Variants in CENPI observed in about 807,000 individuals in gnomAD.
CENPI encodes centromere protein I, also known as FSH primary response 1.
Under a neutral mutation model 60.4 loss-of-function variants are expected in CENPI, and 4 were observed. That is an observed-to-expected ratio of 0.07 (90% confidence interval 0.03 to 0.15). CENPI has a LOEUF of 0.15. CENPI is among the 10% of genes least tolerant of loss of function. The probability of loss-of-function intolerance (pLI) is 1.00; values close to 1 mark genes in which losing one functional copy is unlikely to be tolerated. For missense variants in CENPI, 444 were observed against 534.5 expected, an observed-to-expected ratio of 0.83 and a Z score of 1.67; for synonymous variants, 157 against 189.4, an observed-to-expected ratio of 0.83 and a Z score of 1.40.
intron 18 of CENPI, among the ~76,000 whole-genome samples, chrX:101,146,480 T>A: frequency 9.0e-6 from 1 of 110,532 alleles, no homozygotes. Flanking sequence ...GGCTACAGAA[T>A]AAAAAAAAAT....
chrX:101,139,009 G>A (rs1259112248), intron 15 of CENPI, among the ~76,000 whole-genome samples: 2 of 93,334 alleles, frequency 2.1e-5, no homozygotes, highest in Non-Finnish European at 4.2e-5. Context: ...GGCTTGTCTC[G>A]AACTCCTGAC....
intron 20 of CENPI, among the ~76,000 whole-genome samples, chrX:101,160,034 C>T (rs1002071281): frequency 1.8e-5 from 2 of 112,241 alleles, no homozygotes; most frequent in African/African-American, 6.5e-5. Flanking sequence ...GTATATTCAT[C>T]AATTTCAAAA....
chrX:101,129,327 G>A (rs2089770957), intron 12 of CENPI, among the ~76,000 whole-genome samples: 1 of 111,436 alleles, frequency 9.0e-6, no homozygotes, highest in Non-Finnish European at 1.9e-5. Flanking sequence ...TAAAGGAAAG[G>A]GCAGTGAGAA....
At chrX:101,101,004 G>A (rs1569496959) in intron 2 of CENPI, 54 bp from the exon 3 acceptor site, 1 of 865,482 alleles carries the variant, frequency 1.2e-6, no homozygotes, top group Non-Finnish European at 1.7e-6. Flanking sequence ...TCTCTGTGGA[G>A]AAAAAAGGAC....
intron 15 of CENPI, among the ~76,000 whole-genome samples, chrX:101,138,342 A>ATT (rs1244802720): frequency 1.0e-5 from 1 of 96,646 alleles, no homozygotes; most frequent in African/African-American, 3.8e-5. Flanking sequence ...GGAATTAAAG[A>ATT]TTTTTTTTTT....
chrX:101,149,545 C>T (rs915784414), intron 20 of CENPI, among the ~76,000 whole-genome samples: 18 of 103,199 alleles, frequency 1.7e-4, no homozygotes, highest in South Asian at 1.4e-3. Flanking sequence ...CTCGCTCTGT[C>T]GCCCAGGCTA....
chrX:101,110,786 A>G (rs12855698), intron 6 of CENPI, among the ~76,000 whole-genome samples: 1,538 of 112,081 alleles, frequency 0.014, 14 homozygotes, highest in African/African-American at 0.03. Flanking sequence ...AAAACAGTAT[A>G]TGATAGTTTG....
chrX:101,125,745 C>G (rs1353092442), intron 8 of CENPI, among the ~76,000 whole-genome samples: 1 of 111,491 alleles, frequency 9.0e-6, no homozygotes, highest in Non-Finnish European at 1.9e-5. Context: ...TTGGGAGAAC[C>G]CAGAATTAAT....
downstream of CENPI, among the ~76,000 whole-genome samples, chrX:101,167,881 A>G (rs2090148213): frequency 8.9e-6 from 1 of 112,060 alleles, no homozygotes; most frequent in Non-Finnish European, 1.9e-5. Context: ...TCCAAAGTAG[A>G]ACTCCCATCT....
intron 4 of CENPI, among the ~76,000 whole-genome samples, chrX:101,107,835 A>ATTTTT (rs35105469): frequency 2.3e-5 from 2 of 87,197 alleles, no homozygotes; most frequent in Non-Finnish European, 4.4e-5. Flanking sequence ...CACTTGGCTA[A>ATTTTT]TTTTTTTTTT....
intron 20 of CENPI, among the ~76,000 whole-genome samples, chrX:101,156,779 C>A (rs1489796839): frequency 9.2e-6 from 1 of 109,124 alleles, no homozygotes; most frequent in Non-Finnish European, 1.9e-5. Flanking sequence ...AGTTACTTCA[C>A]TTAGAATAAT....
At position 101,126,787 on chromosome X, in the gene CENPI, G is replaced by A. The variant is rs1017281885; in HGVS notation, c.766G>A (p.Val256Ile). The A allele has an allele frequency of 8.4e-7, 1 of 1,192,251 alleles. No individual in the cohort carries two copies. The highest frequency in any genetic ancestry group is 1.1e-6 in the Non-Finnish European group (1 of 878,175). The change falls in exon 9 of 22, where the codon GTA (valine) becomes ATA (isoleucine). Residue 256 changes from valine to isoleucine, a missense_variant. Coordinates refer to ENST00000682095, the MANE Select transcript of CENPI (RefSeq NM_001386188.2). ...APALISVSLP[V>I]RKKIYFKNSE... is the part of the protein sequence containing the mutation. The stretch of plus-strand genomic sequence containing the variant: ...TGCTCTGATTTCAGTATCTTTGCCT[G>A]TAAGGAAGAAGGTAAGGGATTAAGG...
At chrX:101,162,267 A>G (rs1209373077) in intron 21 of CENPI, among the ~76,000 whole-genome samples, 1 of 107,822 alleles carries the variant, frequency 9.3e-6, no homozygotes, top group Non-Finnish European at 1.9e-5. Flanking sequence ...AGCCTGGGCA[A>G]CATAGCAAGA....
At chrX:101,159,545 G>A (rs948748107) in intron 20 of CENPI, among the ~76,000 whole-genome samples, 8 of 108,939 alleles carry the variant, frequency 7.3e-5, no homozygotes, top group Admixed American at 2.0e-4. Context: ...TGAAACCTCC[G>A]CCTCCCGAGT....
chrX:101,148,403 TAC>T (rs1219787163), intron 20 of CENPI, among the ~76,000 whole-genome samples: 2 of 111,883 alleles, frequency 1.8e-5, no homozygotes, highest in South Asian at 7.4e-4. Flanking sequence ...ATTACTATAA[TAC>T]AGTGTGGCAA....
intron 8 of CENPI, among the ~76,000 whole-genome samples, chrX:101,123,690 C>T (rs190906602): frequency 3.2e-3 from 358 of 110,435 alleles, no homozygotes; most frequent in African/African-American, 0.011. Flanking sequence ...TGGGCTCAAG[C>T]GATCCTCCCT....
In CENPI at chrX:101,127,252, C is replaced by T. The variant is rs2089746125; in HGVS notation, c.892C>T (p.Arg298Cys). 1.7e-6 allele frequency: 2 copies of T among 1,174,273 alleles called. No individual in the cohort carries two copies. The highest frequency in any genetic ancestry group is 1.8e-5 in the African/African-American group (1 of 56,174). The change falls in exon 10 of 22, where the codon CGT becomes TGT. Residue 298 changes from arginine to cysteine, a missense_variant. By Grantham distance (180) the Arg-to-Cys change is radical. Transcript: ENST00000682095. Reference sequence around the variant, plus strand: ...GTTGATGTTAGGTCCAGCTAATGTTCGTCCTCTAAAAAGAGTAAGTATCTA... The same window carrying T: ...GTTGATGTTAGGTCCAGCTAATGTTTGTCCTCTAAAAAGAGTAAGTATCTA... ...LKLMLGPANVRPLKRKWNSLS... is the reference protein window; with the variant it reads ...LKLMLGPANVCPLKRKWNSLS...
intron 20 of CENPI, among the ~76,000 whole-genome samples, chrX:101,158,211 T>TA (rs2090071095): frequency 9.0e-6 from 1 of 110,814 alleles, no homozygotes; most frequent in Non-Finnish European, 1.9e-5. Flanking sequence ...TGTTGATGGA[T>TA]ACGTTATTGT....
downstream of CENPI, among the ~76,000 whole-genome samples, chrX:101,171,062 TTG>T (rs2090155926): frequency 2.7e-5 from 3 of 112,043 alleles, no homozygotes; most frequent in Non-Finnish European, 5.6e-5. Flanking sequence ...CAAAACAATA[TTG>T]AAAAAACTTG....
Sources: allele counts gnomAD v4.1 joint callset (sites outside exome capture counted in the v4.1 genomes callset), GRCh38; gene constraint gnomAD v4.1.1; transcripts MANE v1.5; gene names NCBI Gene and HGNC (gene_info 2026-07-23, HGNC 2026-07-21).